LRRK1: variants seen among roughly 807,000 people sequenced by gnomAD.
LRRK1 encodes leucine-rich repeat serine/threonine-protein kinase 1.
In LRRK1, 113 loss-of-function variants were observed where a neutral mutation model predicts 209.1. The ratio of observed to expected loss-of-function variants is 0.54; its 90% CI spans 0.46 to 0.63. The LOEUF is 0.63. Ranked by LOEUF, LRRK1 falls within the 30% of genes least tolerant of loss-of-function variation. The pLI, the probability that LRRK1 is intolerant of heterozygous loss-of-function variation, is 0.00. For synonymous variants in LRRK1, 1,144 were observed against 1,099.7 expected, an observed-to-expected ratio of 1.04 and a Z score of -0.80; for missense variants, 2,284 against 2,632.2, an observed-to-expected ratio of 0.87 and a Z score of 2.89.
At position 101,051,807 on chromosome 15, in the gene LRRK1, G is replaced by C. The variant is rs777394343; in HGVS notation, c.3536G>C (p.Ser1179Thr). The part of the protein sequence containing the change: ...ETAWAQHTDP[S>T]EKSEDVQYFD... ...GCCTGGGCCCAGCACACGGACCCCA[G>C]TGAGAAATCAGAGGATGTGCAGTAC... The change falls in exon 24 of 34, where the codon AGT becomes ACT. Residue 1179 changes from serine (S) to threonine (T), a missense_variant. This residue lies in a region of LRRK1 where 780 missense variants were observed against 985.2 expected (regional missense o/e 0.79). Coordinates refer to ENST00000388948, the MANE Select transcript of LRRK1 (RefSeq NM_024652.6). 3.1e-6 allele frequency: 5 copies of C among 1,614,154 alleles called. No individual in the cohort carries two copies. The highest frequency in any genetic ancestry group is 4.2e-6 in the Non-Finnish European group (5 of 1,180,036).
chr15:101,044,670 G>A (rs1340897631), intron 20 of LRRK1, among the ~76,000 whole-genome samples: 1 of 152,198 alleles, frequency 6.6e-6, no homozygotes, highest in Non-Finnish European at 1.5e-5. Context: ...GTGCTGGGAC[G>A]CCTGGGGACA....
intron 12 of LRRK1, among the ~76,000 whole-genome samples, chr15:101,019,308 C>A (rs975172194): frequency 7.9e-5 from 12 of 152,116 alleles, no homozygotes; most frequent in Non-Finnish European, 1.8e-4. Context: ...GTAAGCCTTT[C>A]TCATTATGAC....
intron 12 of LRRK1, among the ~76,000 whole-genome samples, chr15:101,019,186 C>T (rs74040231): frequency 0.065 from 9,959 of 152,238 alleles, 1,055 homozygotes; most frequent in African/African-American, 0.23. Context: ...AATCATAGCT[C>T]ATTATTCCAG....
chr15:100,974,186 A>C, intron 3 of LRRK1: 2 of 396,380 alleles, frequency 5.0e-6, no homozygotes, highest in Non-Finnish European at 8.8e-6. Context: ...TTTTCATGGG[A>C]GGCCTTTGAG....
chr15:101,027,640 C>T lies in LRRK1; in HGVS notation c.2529C>T (p.Ile843=), dbSNP rs374330724. Residue 843 remains isoleucine (I), a splice_region_variant and synonymous_variant, in exon 19 of 34, where the codon ATC becomes ATT. Transcript: ENST00000388948. This position sits in a 1 kb window ranked among gnomAD's most constrained non-coding sequence, Gnocchi z 5.1. ...IGCQRLAGRL[I]PRSYLSLQEA... ...TGCCTCGCCCAACTGTCCCCCAGAT[C>T]CCCAGGAGCTACCTGAGCCTGCAGG... The T allele has an allele frequency of 2.8e-5, 45 of 1,611,670 alleles. No individual in the cohort carries two copies. The highest frequency in any genetic ancestry group is 3.4e-5 in the Non-Finnish European group (40 of 1,179,312).
At position 101,062,578 on chromosome 15, in the gene LRRK1, A is replaced by T. The variant is rs759987456; in HGVS notation, c.4802A>T (p.Gln1601Leu). 6.2e-7 allele frequency: 1 copy of T among 1,611,448 alleles called. No individual in the cohort carries two copies. Among genetic ancestry groups the T allele is most frequent in the East Asian group, 2.2e-5 (1 of 44,858 alleles). ...QRSLWTATED[Q>L]KIYIYTLKGM... Reference sequence around the variant, plus strand: ...TGGACCTGTCTGCCTCTGCAGGACCAGAAAATCTACATCTACACCCTCAAG... The same window carrying T: ...TGGACCTGTCTGCCTCTGCAGGACCTGAAAATCTACATCTACACCCTCAAG... Residue 1601 changes from glutamine to leucine, a missense_variant, in exon 31 of 34, where the codon CAG becomes CTG. Transcript: ENST00000388948.
Position 101,022,916 on chromosome 15 carries a change from G to A in LRRK1, c.2067+319G>A, listed in dbSNP as rs2033865820. 6.6e-6 allele frequency among the ~76,000 whole-genome samples: 1 copy of A among 151,260 alleles called. No individual in the cohort carries two copies. The highest frequency in any genetic ancestry group is 2.1e-4 in the South Asian group (1 of 4,810). Reference sequence around the variant, plus strand: ...TGATCCACCTGCCCTGTATGTTTCTGTTATAGTTACTTGAGGCTCTGGGAC... The same window carrying A: ...TGATCCACCTGCCCTGTATGTTTCTATTATAGTTACTTGAGGCTCTGGGAC... On this transcript the variant is annotated intron_variant, in intron 15 of 33. Transcript: ENST00000388948. This position sits in a 1 kb window ranked among gnomAD's most constrained non-coding sequence, Gnocchi z 4.0.
At position 101,062,797 on chromosome 15, in the gene LRRK1, C is replaced by A. The variant is rs924432019; in HGVS notation, c.4914+107C>A. The A allele has an allele frequency of 1.6e-5, 13 of 805,560 alleles. No individual in the cohort carries two copies. In the African/African-American group the frequency reaches 2.2e-4, roughly 14 times the overall value. The allele number at this position is 805,560 out of a possible 1,614,324, so 49.9% of individuals were successfully genotyped here. A position where few individuals can be genotyped will look rare whatever the true frequency, so the allele number is the denominator to read the frequency against. ...GCGCCTGCAGAGCCACACCTAGGAC[C>A]ACCTGGCCTAGGACGTAGACTTAGA... On this transcript the variant is annotated intron_variant, in intron 31 of 33. Transcript: ENST00000388948.
chr15:100,983,790 C>A (rs1409703512), intron 4 of LRRK1, 91 bp downstream of exon 4: 4 of 1,266,958 alleles, frequency 3.2e-6, no homozygotes, highest in Middle Eastern at 1.8e-4. Context: ...ATGCTTTCAC[C>A]AATAATGAGA....
At chr15:100,970,877 A>G (rs2030822369) in intron 2 of LRRK1, among the ~76,000 whole-genome samples, 1 of 152,122 alleles carries the variant, frequency 6.6e-6, no homozygotes, top group African/African-American at 2.4e-5. Context: ...TTATGTTTTC[A>G]GCGTACAGAT....
At chr15:100,960,907 A>G (rs1251538265) in intron 2 of LRRK1, among the ~76,000 whole-genome samples, 4 of 152,152 alleles carry the variant, frequency 2.6e-5, no homozygotes, top group South Asian at 4.1e-4. Flanking sequence ...TTTCCATCTA[A>G]TGAGACAGGG....
At chr15:101,009,132 C>G in intron 7 of LRRK1, 69 bp downstream of exon 7, 1 of 1,242,386 alleles carries the variant, frequency 8.0e-7, no homozygotes, top group South Asian at 1.3e-5. Flanking sequence ...TGCACATGCT[C>G]CCGGGTTGTA....
intron 2 of LRRK1, among the ~76,000 whole-genome samples, chr15:100,936,081 C>T (rs567639094): frequency 1.3e-5 from 2 of 152,310 alleles, no homozygotes; most frequent in South Asian, 2.1e-4. Context: ...TAGACTCTAC[C>T]TCCTGGTGAG....
At chr15:100,996,726 G>C (rs766654386) in intron 6 of LRRK1, among the ~76,000 whole-genome samples, 2 of 152,238 alleles carry the variant, frequency 1.3e-5, no homozygotes, top group Non-Finnish European at 2.9e-5. Context: ...GGGGAACAGC[G>C]CGTGGCTTCT....
In LRRK1 at chr15:101,068,783, G is replaced by A. The variant is rs748618009; in HGVS notation, c.5983G>A (p.Asp1995Asn). ...VWRGWGAREF[D>N]IFYQSYEELG... The stretch of plus-strand genomic sequence containing the variant: ...GAGGGGCTGGGGCGCCAGGGAGTTC[G>A]ACATTTTCTACCAGTCCTACGAGGA... The change falls in exon 34 of 34, where the codon GAC becomes AAC. Residue 1995 changes from aspartate to asparagine, a missense_variant. This residue lies in a region of LRRK1 where 643 missense variants were observed against 695.9 expected (regional missense o/e 0.92). Transcript: ENST00000388948. 84 of 1,613,398 alleles carry A rather than the reference G, an allele frequency of 5.2e-5. No individual in the cohort carries two copies. Among genetic ancestry groups the A allele is most frequent in the Non-Finnish European group, 7.0e-5 (82 of 1,179,836 alleles).
intron 6 of LRRK1, among the ~76,000 whole-genome samples, chr15:101,005,356 A>G (rs1433829776): frequency 6.6e-6 from 1 of 152,210 alleles, no homozygotes; most frequent in Admixed American, 6.5e-5. Flanking sequence ...GAACTGACCT[A>G]GGCATCATCT....
intron 20 of LRRK1, among the ~76,000 whole-genome samples, chr15:101,034,106 ATTAT>A (rs1244395880): frequency 3.3e-5 from 5 of 151,820 alleles, no homozygotes; most frequent in South Asian, 2.1e-4. Flanking sequence ...TTCTTTTGAG[ATTAT>A]TTGAGTTTTA....
At chr15:100,964,216 T>C (rs1323697215) in intron 2 of LRRK1, among the ~76,000 whole-genome samples, 1 of 152,168 alleles carries the variant, frequency 6.6e-6, no homozygotes, top group Non-Finnish European at 1.5e-5. Flanking sequence ...AGAGGAATTA[T>C]CACCGCAGAT....
chr15:100,987,556 T>C (rs891907924), intron 4 of LRRK1, among the ~76,000 whole-genome samples: 3 of 152,180 alleles, frequency 2.0e-5, no homozygotes, highest in Admixed American at 1.3e-4. Flanking sequence ...CTTTTATTAT[T>C]ATTATTCATG....
Sources: gnomAD v4.1 joint callset for allele counts (sites outside exome capture counted in the v4.1 genomes callset) on GRCh38, gnomAD v4.1.1 for gene constraint, gnomAD v4.1.1 regional missense constraint, Gnocchi (gnomAD v3.1) non-coding constraint, MANE v1.5 for transcripts, NCBI Gene and HGNC (gene_info 2026-07-23, HGNC 2026-07-21) for gene names.